DCAF7: variants seen among roughly 807,000 people sequenced by gnomAD.
DCAF7 encodes DDB1- and CUL4-associated factor 7.
DCAF7 carries 4 observed loss-of-function variants against 41.2 expected under a neutral mutation model. The ratio of observed to expected loss-of-function variants is 0.10; its 90% confidence interval spans 0.05 to 0.22. The LOEUF (loss-of-function observed/expected upper bound fraction) is 0.22. Among genes scored for constraint, DCAF7 ranks in the 10% least tolerant of loss-of-function variants. The pLI is 1.00. For missense variants in DCAF7, 131 were observed against 443.2 expected (o/e 0.30, Z 6.32); for synonymous variants, 143 against 164.2 (o/e 0.87, Z 0.99).
intron 2 of DCAF7, among the ~76,000 whole-genome samples, chr17:63,579,074 C>A (rs1187860893): frequency 1.3e-5 from 2 of 152,168 alleles, no homozygotes; most frequent in Non-Finnish European, 2.9e-5. Flanking sequence ...TACACCTGTG[C>A]AGAGGTTCCA....
Position 63,550,848 on chromosome 17 carries a change from C to T in DCAF7, c.138+33C>T, listed in dbSNP as rs2033242427. 2 of 1,601,200 alleles carry T rather than the reference C, an allele frequency of 1.2e-6. No homozygotes were observed. Among genetic ancestry groups the T allele is most frequent in the African/African-American group, 1.3e-5 (1 of 74,746 alleles). On this transcript the variant is annotated intron_variant, in intron 1 of 6. Coordinates refer to ENST00000614556, the MANE Select transcript of DCAF7 (RefSeq NM_005828.5). This position sits in a 1 kb window ranked among gnomAD's most constrained non-coding sequence, Gnocchi z 4.8. ...GGGCAGGGGCTCGGAACCCAGCTGGCGGGGAGCGGGCCCCGGGAGCGCCCT... is the reference window on the plus strand; with the variant it reads ...GGGCAGGGGCTCGGAACCCAGCTGGTGGGGAGCGGGCCCCGGGAGCGCCCT...
At chr17:63,586,360 T>TGA (rs1281502284) in intron 6 of DCAF7, among the ~76,000 whole-genome samples, 1 of 151,140 alleles carries the variant, frequency 6.6e-6, no homozygotes, top group Non-Finnish European at 1.5e-5. Context: ...GAGGCTGAGG[T>TGA]GAGAGGATCC....
chr17:63,566,242 G>T (rs2033439716), intron 1 of DCAF7, among the ~76,000 whole-genome samples: 2 of 152,152 alleles, frequency 1.3e-5, no homozygotes, highest in South Asian at 2.1e-4. Flanking sequence ...GTGGTGGTAG[G>T]CGCCTGTAGT....
At chr17:63,580,810 C>T (rs1437541455) in intron 4 of DCAF7, among the ~76,000 whole-genome samples, 2 of 152,286 alleles carry the variant, frequency 1.3e-5, no homozygotes, top group East Asian at 3.9e-4. Flanking sequence ...GCGTGAGCCA[C>T]TGCGCCCGGC....
chr17:63,579,309 AT>A, intron 2 of DCAF7, 27 bp from the exon 3 acceptor site: 4 of 1,518,182 alleles, frequency 2.6e-6, no homozygotes, highest in South Asian at 2.4e-5. Context: ...AGACTGGCTG[AT>A]TTTTTTTAAA....
intron 1 of DCAF7, among the ~76,000 whole-genome samples, chr17:63,577,512 G>A (rs550078143): frequency 5.3e-5 from 8 of 152,240 alleles, no homozygotes; most frequent in African/African-American, 1.7e-4. Flanking sequence ...GTTAATGGTG[G>A]GCTAAAATTG....
At chr17:63,581,739 C>G (rs1391898075) in intron 4 of DCAF7, among the ~76,000 whole-genome samples, 1 of 152,176 alleles carries the variant, frequency 6.6e-6, no homozygotes, top group Non-Finnish European at 1.5e-5. Context: ...GCAGCCTTGT[C>G]TTGAAGGAAT....
At chr17:63,578,994 G>T (rs1203234533) in intron 2 of DCAF7, among the ~76,000 whole-genome samples, 4 of 152,212 alleles carry the variant, frequency 2.6e-5, no homozygotes, top group Non-Finnish European at 2.9e-5. Context: ...AGTGGATCTT[G>T]GAGGCTTCCC....
intron 1 of DCAF7, among the ~76,000 whole-genome samples, chr17:63,557,899 T>G (rs1431320659): frequency 6.6e-6 from 1 of 152,112 alleles, no homozygotes; most frequent in South Asian, 2.1e-4. Flanking sequence ...ATTTTTCGTG[T>G]GTTTTGTTTT....
intron 5 of DCAF7, 68 bp from the exon 6 acceptor site, chr17:63,585,143 G>T: frequency 1.6e-6 from 2 of 1,280,516 alleles, no homozygotes; most frequent in Non-Finnish European, 2.2e-6. Flanking sequence ...TTTGCATGTG[G>T]ATAGTATTTT....
chr17:63,570,937 G>T (rs1454351794), intron 1 of DCAF7, among the ~76,000 whole-genome samples: 1 of 152,170 alleles, frequency 6.6e-6, no homozygotes, highest in African/African-American at 2.4e-5. Context: ...TGTAATCCCA[G>T]CACTTTGGGA....
intron 6 of DCAF7, 82 bp downstream of exon 6, chr17:63,585,410 G>T: frequency 1.6e-6 from 2 of 1,258,946 alleles, no homozygotes; most frequent in Non-Finnish European, 2.3e-6. Context: ...AGTTGTTACT[G>T]TTTTCTAAGC....
chr17:63,562,718 G>A (rs1207391030), intron 1 of DCAF7, among the ~76,000 whole-genome samples: 2 of 127,088 alleles, frequency 1.6e-5, no homozygotes, highest in Non-Finnish European at 3.1e-5. Flanking sequence ...TCCCCAGAGT[G>A]TGATGTTCCC....
rs1403193974 is a variant in DCAF7, at chr17:63,590,396, TGAAAAG to T, written c.*1226_*1231del. The T allele has an allele frequency of 6.6e-6, 1 of 151,902 alleles. No individual in the cohort carries two copies. The highest frequency in any genetic ancestry group is 1.5e-5 in the Non-Finnish European group (1 of 67,958). 9.4% of individuals were successfully genotyped at this position (151,902 alleles called of 1,614,324 possible). A position where few individuals can be genotyped will look rare whatever the true frequency, so the allele number is the denominator to read the frequency against. On this transcript the variant is annotated 3_prime_UTR_variant, in exon 7 of 7. Coordinates refer to ENST00000614556, the MANE Select transcript of DCAF7 (RefSeq NM_005828.5). ...TTAAAAAGCATTATACTGTGGGTAA[TGAAAAG>T]GGAGGAAAAAAAAAGAAGGAAAAGG...
chr17:63,581,159 A>C (rs1008104953), intron 4 of DCAF7, among the ~76,000 whole-genome samples: 2 of 152,280 alleles, frequency 1.3e-5, no homozygotes, highest in Admixed American at 1.3e-4. Flanking sequence ...CCAGGGGTCA[A>C]ATGAAGAGTT....
At chr17:63,554,603 G>A (rs760886592) in intron 1 of DCAF7, among the ~76,000 whole-genome samples, 2 of 152,296 alleles carry the variant, frequency 1.3e-5, no homozygotes, top group South Asian at 4.1e-4. Flanking sequence ...GTATTGCCTT[G>A]GGCAAGTTAT....
rs2033712001 is a variant in DCAF7 at position 63,589,447 on chromosome 17, T to C, written c.*275T>C. The C allele has an allele frequency of 2.1e-6, 1 of 474,074 alleles. No homozygotes were observed. Among genetic ancestry groups the C allele is most frequent in the South Asian group, 1.9e-5 (1 of 52,000 alleles). The allele number at this position is 474,074 out of a possible 1,614,324, so 29.4% of individuals were successfully genotyped here. A position where few individuals can be genotyped will look rare whatever the true frequency, so the allele number is the denominator to read the frequency against. On this transcript the variant is annotated 3_prime_UTR_variant, in exon 7 of 7. Transcript: ENST00000614556. ...TTTGGTTCCTCAATTAAAAAATGTG[T>C]GTATATTTGTTTGTCAGGCGTTGTG... is the stretch of plus-strand genomic sequence containing the variant.
chr17:63,562,807 C>G (rs12453492), intron 1 of DCAF7, among the ~76,000 whole-genome samples: 4 of 145,444 alleles, frequency 2.8e-5, no homozygotes, highest in African/African-American at 1.1e-4. Context: ...AACCAAACAC[C>G]GCAGAAAATA....
chr17:63,567,390 T>G (rs912612560), intron 1 of DCAF7, among the ~76,000 whole-genome samples: 1 of 152,214 alleles, frequency 6.6e-6, no homozygotes, highest in Admixed American at 6.5e-5. Flanking sequence ...AGAGCCAGTG[T>G]CAGTTTGGCT....
Sources: allele counts gnomAD v4.1 joint callset (sites outside exome capture counted in the v4.1 genomes callset), GRCh38; gene constraint gnomAD v4.1.1; non-coding constraint Gnocchi (gnomAD v3.1); transcripts MANE v1.5; gene names NCBI Gene and HGNC (gene_info 2026-07-23, HGNC 2026-07-21).